The following CECR2 variants were observed in gnomAD, a reference collection of about 807,000 sequenced individuals.
CECR2 encodes the protein chromatin remodeling regulator CECR2.
CECR2 carries 30 observed loss-of-function variants against 154.5 expected under a neutral mutation model. The observed-to-expected ratio is 0.19, with a 90% CI of 0.15 to 0.26. CECR2 has a LOEUF of 0.26. Ranked by LOEUF, CECR2 falls within the 10% of genes least tolerant of loss-of-function variation. The pLI is 1.00. For missense variants in CECR2, 1,743 were observed against 1,829.3 expected, an observed-to-expected ratio of 0.95 and a Z score of 0.86; for synonymous variants, 725 against 683.7, an observed-to-expected ratio of 1.06 and a Z score of -0.94.
intron 1 of CECR2, among the ~76,000 whole-genome samples, chr22:17,466,345 T>G (rs1363900527): frequency 6.6e-6 from 1 of 152,234 alleles, no homozygotes; most frequent in Non-Finnish European, 1.5e-5. Flanking sequence ...AGCAAATTTC[T>G]GTTACTCAAA....
At chr22:17,464,610 C>A (rs1463032594) in intron 1 of CECR2, among the ~76,000 whole-genome samples, 2 of 152,158 alleles carry the variant, frequency 1.3e-5, no homozygotes, top group Non-Finnish European at 2.9e-5. Context: ...AGCAGTCCTC[C>A]CTCTGCAGCC....
intron 1 of CECR2, among the ~76,000 whole-genome samples, chr22:17,394,197 C>CT (rs71200271): frequency 0.45 from 43,958 of 96,974 alleles, 13,201 homozygotes; most frequent in Non-Finnish European, 0.53. Context: ...GCTGCCGCTG[C>CT]TTTTTTTTTT....
chr22:17,486,469 C>G (rs1210119460), intron 2 of CECR2, among the ~76,000 whole-genome samples: 1 of 152,200 alleles, frequency 6.6e-6, no homozygotes, highest in Non-Finnish European at 1.5e-5. Flanking sequence ...GCGTGTCAGT[C>G]ACATGCTAGT....
intron 6 of CECR2, 58 bp from the exon 7 acceptor site, chr22:17,504,785 GAATA>G (rs1044351485): frequency 5.9e-5 from 87 of 1,464,778 alleles, no homozygotes; most frequent in Non-Finnish European, 7.6e-5. Context: ...ACAAAATTGA[GAATA>G]AATAAGGAAA....
At chr22:17,406,682 A>T (rs1485953555) in intron 1 of CECR2, among the ~76,000 whole-genome samples, 5 of 152,218 alleles carry the variant, frequency 3.3e-5, no homozygotes, top group Non-Finnish European at 7.3e-5. Flanking sequence ...GATTCTTAGC[A>T]TGAGTCTGGA....
chr22:17,491,935 G>A (rs1209157929), intron 2 of CECR2, among the ~76,000 whole-genome samples: 3 of 152,142 alleles, frequency 2.0e-5, no homozygotes, highest in Non-Finnish European at 4.4e-5. Context: ...TGGCTGTCAT[G>A]TTGATTTTAG....
chr22:17,395,084 G>A, intron 1 of CECR2, among the ~76,000 whole-genome samples: 1 of 152,272 alleles, frequency 6.6e-6, no homozygotes, highest in Non-Finnish European at 1.5e-5. Flanking sequence ...CCCCAGTGTT[G>A]CCTTGTGTCC....
intron 1 of CECR2, among the ~76,000 whole-genome samples, chr22:17,460,062 G>A (rs1306296515): frequency 6.6e-6 from 1 of 152,096 alleles, no homozygotes; most frequent in African/African-American, 2.4e-5. Context: ...ACATATTCGT[G>A]TAACCATGCC....
rs563393980 is a variant in CECR2 at position 17,402,914 on chromosome 22, C to T, written c.126+33005C>T. ...CTGGGATTACAGGCATGTGCCACCA[C>T]GCCCAGCTAATTTTGTATTTTTAGT... On this transcript the variant is annotated intron_variant, in intron 1 of 18. Transcript: ENST00000262608. 5.2e-4 allele frequency among the ~76,000 whole-genome samples: 79 copies of T among 152,224 alleles called. 1 individual carries two copies. In the South Asian group the frequency reaches 0.013, roughly 25 times the overall value.
At chr22:17,450,306 C>G (rs1007833319) in intron 1 of CECR2, among the ~76,000 whole-genome samples, 1 of 152,198 alleles carries the variant, frequency 6.6e-6, no homozygotes, top group Non-Finnish European at 1.5e-5. Context: ...GAGTCTCACT[C>G]TGTCGCCAGG....
intron 10 of CECR2, among the ~76,000 whole-genome samples, chr22:17,538,046 C>G (rs2056463943): frequency 1.3e-5 from 2 of 151,302 alleles, no homozygotes; most frequent in Non-Finnish European, 2.9e-5. Flanking sequence ...GGTGAAACCT[C>G]ACCTCTACCC....
chr22:17,518,476 G>A (rs909584128), intron 8 of CECR2, among the ~76,000 whole-genome samples: 1 of 152,146 alleles, frequency 6.6e-6, no homozygotes, highest in Non-Finnish European at 1.5e-5. Context: ...TCCAGTTCTG[G>A]TCTTGGTATC....
intron 9 of CECR2, among the ~76,000 whole-genome samples, chr22:17,532,164 CT>C: frequency 6.6e-6 from 1 of 152,064 alleles, no homozygotes; most frequent in Middle Eastern, 3.4e-3. Context: ...AAGACCCTGT[CT>C]CAAAAAAAGG....
At chr22:17,532,700 CTTTTTTTTTTTTTTTTTTTTT>C (rs695634) in intron 9 of CECR2, among the ~76,000 whole-genome samples, 24 of 35,798 alleles carry the variant, frequency 6.7e-4, no homozygotes, top group East Asian at 5.4e-3. Flanking sequence ...CATTATTATT[CTTTTTTTTTTTTTTTTTTTTT>C]TTTTTTTTTT....
chr22:17,524,791 C>A lies in CECR2; in HGVS notation c.1108+520C>A, dbSNP rs116299251. ...TCACTTACTGCAACCTCTGCCTCAG[C>A]CTCCCGAGTAGCTAGGACTATAGGC... is the stretch of plus-strand genomic sequence containing the variant. On this transcript the variant is annotated intron_variant, in intron 9 of 18. Transcript: ENST00000262608. The A allele has an allele frequency of 9.6e-3, 2,965 of 309,452 alleles. 93 individuals carry two copies. Among genetic ancestry groups the A allele is most frequent in the African/African-American group, 0.066 (2,774 of 42,192 alleles). 19.2% of individuals were successfully genotyped at this position (309,452 alleles called of 1,614,324 possible).
intron 1 of CECR2, among the ~76,000 whole-genome samples, chr22:17,414,614 C>T (rs533106001): frequency 6.6e-6 from 1 of 151,876 alleles, no homozygotes; most frequent in East Asian, 1.9e-4. Flanking sequence ...GTGCTGCACC[C>T]ATTAACTTGT....
chr22:17,543,526 G>A (rs765182738), intron 16 of CECR2, among the ~76,000 whole-genome samples: 6 of 151,040 alleles, frequency 4.0e-5, no homozygotes, highest in Admixed American at 3.9e-4. Context: ...TTGACTCTGC[G>A]CAGGTGGGCG....
intron 2 of CECR2, among the ~76,000 whole-genome samples, chr22:17,480,838 AAGAGCAG>A (rs2055297944): frequency 6.6e-6 from 1 of 151,102 alleles, no homozygotes; most frequent in Non-Finnish European, 1.5e-5. Flanking sequence ...TCGGGAGTTC[AAGAGCAG>A]TCTGGCCAAT....
intron 1 of CECR2, among the ~76,000 whole-genome samples, chr22:17,384,487 A>G (rs759178241): frequency 2.0e-5 from 3 of 152,224 alleles, no homozygotes; most frequent in African/African-American, 4.8e-5. Context: ...AAACCACATT[A>G]ATCTCCTTGT....
Sources: allele counts gnomAD v4.1 joint callset (sites outside exome capture counted in the v4.1 genomes callset), GRCh38; gene constraint gnomAD v4.1.1; transcripts MANE v1.5; gene names NCBI Gene and HGNC (gene_info 2026-07-23, HGNC 2026-07-21).